The following SRP72 variants were observed in gnomAD, a reference collection of about 807,000 sequenced individuals.
SRP72 encodes the protein signal recognition particle 72.
A neutral mutation model predicts 96.3 loss-of-function variants in SRP72; 49 were observed. The observed-to-expected ratio is 0.51, with a 90% CI of 0.40 to 0.65. The LOEUF is 0.65. SRP72 is among the 30% of genes least tolerant of loss of function. The pLI, the probability that SRP72 is intolerant of heterozygous loss-of-function variation, is 0.00. For synonymous variants in SRP72, 267 were observed against 275.2 expected (o/e 0.97, Z 0.30); for missense variants, 736 against 793.3 (o/e 0.93, Z 0.87).
chr4:56,471,701 T>C lies in SRP72; in HGVS notation c.231-19T>C, dbSNP rs770679554. On this transcript the variant is annotated intron_variant, in intron 2 of 18. Transcript: ENST00000642900. ...ATTGTTAGATAATAATCAGATACTG[T>C]TTTTTTTTCCTTCTTCAGTAACTCT... 29 of 1,602,872 alleles carry C rather than the reference T, an allele frequency of 1.8e-5. No individual in the cohort carries two copies. Among genetic ancestry groups the C allele is most frequent in the Non-Finnish European group, 2.5e-5 (29 of 1,174,312 alleles).
chr4:56,477,235 G>A (rs373172541), intron 6 of SRP72: 1 of 145,528 alleles, frequency 6.9e-6, no homozygotes, highest in South Asian at 2.2e-4. Context: ...ATCTTTCTGA[G>A]TATTCAACAT....
chr4:56,474,009 A>G (rs1314425790), intron 3 of SRP72, 45 bp from the exon 4 acceptor site: 1 of 1,581,428 alleles, frequency 6.3e-7, no homozygotes. Context: ...TAAAGACATA[A>G]CACCATATTT....
chr4:56,485,527 G>C (rs533341659), intron 10 of SRP72, among the ~76,000 whole-genome samples: 1 of 151,968 alleles, frequency 6.6e-6, no homozygotes, highest in Non-Finnish European at 1.5e-5. Flanking sequence ...GTCGCCAGGC[G>C]TAGTGGCTGA....
At position 56,497,294 on chromosome 4, in the gene SRP72, A is replaced by G. The variant is rs1195492108; in HGVS notation, c.1678+1900A>G. On this transcript the variant is annotated intron_variant, in intron 17 of 18. Coordinates refer to ENST00000642900, the MANE Select transcript of SRP72 (RefSeq NM_006947.4). Reference sequence around the variant, plus strand: ...GAGTGCAGTGGCGCTATCTCGGCTCACTGCAAGCTCCACCTCCCAGGTTCA... The same window carrying G: ...GAGTGCAGTGGCGCTATCTCGGCTCGCTGCAAGCTCCACCTCCCAGGTTCA... Among the ~76,000 whole-genome samples, 5 of 149,358 alleles carry G rather than the reference A, an allele frequency of 3.3e-5. No homozygotes were observed. In the Admixed American group the frequency reaches 3.4e-4, roughly 10 times the overall value.
intron 10 of SRP72, among the ~76,000 whole-genome samples, chr4:56,485,734 G>A (rs1171274350): frequency 4.6e-5 from 7 of 152,156 alleles, no homozygotes; most frequent in East Asian, 1.9e-4. Flanking sequence ...CCTGGCAGGC[G>A]GAGTTGCAGT....
chr4:56,495,336 G>A, intron 16 of SRP72, 21 bp from the exon 17 acceptor site: 1 of 1,456,228 alleles, frequency 6.9e-7, no homozygotes, highest in Non-Finnish European at 9.5e-7. Flanking sequence ...AGATGGTAAT[G>A]ATTTTTTTTT....
intron 16 of SRP72, among the ~76,000 whole-genome samples, chr4:56,494,878 G>T (rs184349971): frequency 6.6e-6 from 1 of 152,078 alleles, no homozygotes; most frequent in East Asian, 1.9e-4. Flanking sequence ...TCTTCCATCC[G>T]TGTCTACCCA....
At chr4:56,501,127 G>A (rs1327827632) in intron 18 of SRP72, among the ~76,000 whole-genome samples, 1 of 152,102 alleles carries the variant, frequency 6.6e-6, no homozygotes, top group East Asian at 1.9e-4. Context: ...ATTTTTTCTG[G>A]CCGGGCGCAG....
At position 56,502,483 on chromosome 4, in the gene SRP72, GTATATA is replaced by G. The variant is rs1367270423; in HGVS notation, c.*629_*634del. On this transcript the variant is annotated 3_prime_UTR_variant, in exon 19 of 19. Transcript: ENST00000642900. Reference sequence around the variant, plus strand: ...TTCATGTTTATATATATATATATATGTATATATATATACATATATATATATATATAA... The same window carrying G: ...TTCATGTTTATATATATATATATATGTATATACATATATATATATATATAA... 1.1e-5 allele frequency: 1 copy of G among 91,098 alleles called. No homozygotes were observed. The highest frequency in any genetic ancestry group is 2.0e-5 in the Non-Finnish European group (1 of 50,150). The allele number at this position is 91,098 out of a possible 1,614,324, so 5.6% of individuals were successfully genotyped here. A position where few individuals can be genotyped will look rare whatever the true frequency, so the allele number is the denominator to read the frequency against.
chr4:56,491,650 A>C, intron 16 of SRP72, 82 bp downstream of exon 16: 134 of 1,368,612 alleles, frequency 9.8e-5, no homozygotes, highest in Middle Eastern at 1.9e-4. Context: ...TAGAAATTTC[A>C]TGTGAATAAA....
intron 14 of SRP72, 66 bp downstream of exon 14, chr4:56,490,502 T>A: frequency 6.3e-7 from 1 of 1,589,874 alleles, no homozygotes; most frequent in Non-Finnish European, 8.6e-7. Context: ...ATGAGGGAGT[T>A]ACTTGTTTAT....
intron 17 of SRP72, among the ~76,000 whole-genome samples, chr4:56,498,373 G>C (rs1721150881): frequency 6.6e-6 from 1 of 152,154 alleles, no homozygotes; most frequent in African/African-American, 2.4e-5. Flanking sequence ...ACAAGACAAG[G>C]ATGCCCTCTC....
At chr4:56,494,169 C>T (rs1464043931) in intron 16 of SRP72, among the ~76,000 whole-genome samples, 5 of 133,016 alleles carry the variant, frequency 3.8e-5, no homozygotes, top group African/African-American at 1.4e-4. Context: ...ATTTAGAATA[C>T]TATTGCACAC....
At position 56,484,026 on chromosome 4, in the gene SRP72, A is replaced by ATTTTTTTTTTTTTTT. The variant is rs539665243; in HGVS notation, c.958-699_958-685dup. On this transcript the variant is annotated intron_variant, in intron 9 of 18. Transcript: ENST00000642900. ...TTTAGTGGGAGACAGAGAAGCAGTA[A>ATTTTTTTTTTTTTTT]TTTTTTTTTTTTTTTTTTTTTTTTT... Among the ~76,000 whole-genome samples the ATTTTTTTTTTTTTTT allele has an allele frequency of 3.5e-4, 30 of 86,616 alleles. 3 individuals are homozygous for ATTTTTTTTTTTTTTT. Among genetic ancestry groups the ATTTTTTTTTTTTTTT allele is most frequent in the East Asian group, 2.2e-3 (4 of 1,856 alleles). The allele number at this position is 86,616 out of a possible 152,430, so 56.8% of individuals were successfully genotyped here.
intron 15 of SRP72, 65 bp from the exon 16 acceptor site, chr4:56,491,366 A>G (rs1477989923): frequency 6.5e-6 from 10 of 1,547,524 alleles, no homozygotes; most frequent in Middle Eastern, 2.3e-4. Flanking sequence ...ATTGGCAAAC[A>G]TATATATCTA....
At chr4:56,476,985 C>G (rs1261377452) in intron 6 of SRP72, 1 of 356,572 alleles carries the variant, frequency 2.8e-6, no homozygotes, top group Non-Finnish European at 5.0e-6. Flanking sequence ...TCTTTGAGGA[C>G]TGGTCTGCTC....
chr4:56,494,893 C>T (rs559127091), intron 16 of SRP72, among the ~76,000 whole-genome samples: 2 of 152,194 alleles, frequency 1.3e-5, no homozygotes, highest in South Asian at 4.2e-4. Context: ...TACCCACCTC[C>T]CTCCCAGGGC....
In SRP72 at chr4:56,490,342, C is replaced by T. The variant is rs368755893; in HGVS notation, c.1330C>T (p.Pro444Ser). 7 of 1,607,860 alleles carry T rather than the reference C, an allele frequency of 4.4e-6. No homozygotes were observed. In the African/African-American group the frequency reaches 6.7e-5, roughly 15 times the overall value. ...QWYQNHQPKS[P>S]AHLSLIREAA... is the part of the protein sequence containing the mutation. ...TTTATTGAAACTGTAGCCAAAATCTCCTGCTCATTTGTCCTTGATAAGAGA... is the reference window on the plus strand; with the variant it reads ...TTTATTGAAACTGTAGCCAAAATCTTCTGCTCATTTGTCCTTGATAAGAGA... Residue 444 changes from proline (P) to serine (S), a missense_variant, in exon 14 of 19, where the codon CCT becomes TCT. Coordinates refer to ENST00000642900, the MANE Select transcript of SRP72 (RefSeq NM_006947.4).
intron 17 of SRP72, among the ~76,000 whole-genome samples, chr4:56,499,038 A>G (rs962085281): frequency 2.0e-5 from 3 of 152,234 alleles, no homozygotes; most frequent in African/African-American, 7.2e-5. Flanking sequence ...TACAGTAACC[A>G]AAACAGAATG....
Sources: gnomAD v4.1 joint callset for allele counts (sites outside exome capture counted in the v4.1 genomes callset) on GRCh38, gnomAD v4.1.1 for gene constraint, MANE v1.5 for transcripts, NCBI Gene and HGNC (gene_info 2026-07-23, HGNC 2026-07-21) for gene names.